The following EPHA6 variants were observed in gnomAD, a reference collection of about 807,000 sequenced individuals.
The protein encoded by EPHA6 is ephrin type-A receptor 6.
A neutral mutation model predicts 112.0 loss-of-function variants in EPHA6; 50 were observed. That is an observed-to-expected ratio of 0.45 (90% CI 0.36 to 0.56). EPHA6 has a LOEUF of 0.56. Ranked by LOEUF, EPHA6 falls within the 20% of genes least tolerant of loss-of-function variation. The pLI is 0.00. For synonymous variants in EPHA6, 529 were observed against 490.7 expected (o/e 1.08, Z -1.03); for missense variants, 1,280 against 1,417.4 (o/e 0.90, Z 1.56).
chr3:96,856,852 A>G (rs1222168103), intron 1 of EPHA6, among the ~76,000 whole-genome samples: 3 of 152,144 alleles, frequency 2.0e-5, no homozygotes, highest in Non-Finnish European at 4.4e-5. Context: ...TGGGGAGACA[A>G]ATCATCAGTG....
intron 6 of EPHA6, among the ~76,000 whole-genome samples, chr3:97,443,566 C>A (rs1043931826): frequency 1.3e-5 from 2 of 151,982 alleles, no homozygotes; most frequent in Non-Finnish European, 2.9e-5. Context: ...ACTGTATATT[C>A]CATGCAAGAC....
At chr3:97,548,139 AC>A (rs1306218464) in intron 11 of EPHA6, among the ~76,000 whole-genome samples, 2 of 151,870 alleles carry the variant, frequency 1.3e-5, no homozygotes, top group African/African-American at 4.8e-5. Flanking sequence ...ATGCAAAATC[AC>A]CCGTCTTCTG....
At chr3:97,160,505 C>A (rs1039311299) in intron 3 of EPHA6, among the ~76,000 whole-genome samples, 1 of 151,980 alleles carries the variant, frequency 6.6e-6, no homozygotes, top group Non-Finnish European at 1.5e-5. Flanking sequence ...GTTTCGAACT[C>A]CTGACCTCAA....
intron 5 of EPHA6, among the ~76,000 whole-genome samples, chr3:97,327,254 A>T (rs777108221): frequency 5.9e-5 from 9 of 152,048 alleles, no homozygotes; most frequent in Non-Finnish European, 1.2e-4. Flanking sequence ...TATTGTTTTC[A>T]TGAGTGCAAT....
intron 10 of EPHA6, among the ~76,000 whole-genome samples, chr3:97,503,973 G>T (rs1368974679): frequency 6.6e-6 from 1 of 152,178 alleles, no homozygotes; most frequent in Non-Finnish European, 1.5e-5. Context: ...ATTCTATGCT[G>T]TGGAGCATTT....
At chr3:97,721,703 T>C (rs1387207329) in intron 15 of EPHA6, among the ~76,000 whole-genome samples, 1 of 152,208 alleles carries the variant, frequency 6.6e-6, no homozygotes, top group East Asian at 1.9e-4. Flanking sequence ...TTTTTGGATC[T>C]GGGCCATTTG....
chr3:97,293,647 G>A (rs2080774729), intron 5 of EPHA6, among the ~76,000 whole-genome samples: 1 of 152,228 alleles, frequency 6.6e-6, no homozygotes, highest in Admixed American at 6.5e-5. Context: ...GAGTGGCCAT[G>A]GGTGGGCCTG....
intron 11 of EPHA6, 129 bp downstream of exon 11, chr3:97,532,672 C>G: frequency 1.3e-6 from 1 of 742,422 alleles, no homozygotes; most frequent in Non-Finnish European, 2.1e-6. Flanking sequence ...TCATCACCCC[C>G]TCAGAGACTT....
chr3:97,528,599 T>C (rs1025766986), intron 10 of EPHA6, among the ~76,000 whole-genome samples: 2 of 151,998 alleles, frequency 1.3e-5, no homozygotes, highest in Non-Finnish European at 2.9e-5. Context: ...CTCTCTAGGG[T>C]TGGATATGGA....
At chr3:96,868,903 C>T (rs887711707) in intron 2 of EPHA6, among the ~76,000 whole-genome samples, 3 of 151,744 alleles carry the variant, frequency 2.0e-5, no homozygotes, top group Non-Finnish European at 2.9e-5. Flanking sequence ...GATATAGTTA[C>T]AGAATTAGGC....
At chr3:97,245,370 A>T (rs528958013) in intron 5 of EPHA6, among the ~76,000 whole-genome samples, 1 of 152,060 alleles carries the variant, frequency 6.6e-6, no homozygotes, top group East Asian at 1.9e-4. Context: ...GTCATATTGA[A>T]TTAGGACCCA....
intron 3 of EPHA6, among the ~76,000 whole-genome samples, chr3:97,148,768 T>C (rs1222359845): frequency 6.6e-6 from 1 of 152,128 alleles, no homozygotes; most frequent in Non-Finnish European, 1.5e-5. Context: ...TTTTTATATT[T>C]AAAAACCCCT....
chr3:97,320,977 A>G (rs977664498), intron 5 of EPHA6, among the ~76,000 whole-genome samples: 1 of 151,988 alleles, frequency 6.6e-6, no homozygotes, highest in African/African-American at 2.4e-5. Context: ...CCTGTCACAA[A>G]CATTATGAAA....
intron 1 of EPHA6, among the ~76,000 whole-genome samples, chr3:96,826,702 C>T (rs1008260148): frequency 6.6e-6 from 1 of 151,352 alleles, no homozygotes; most frequent in Non-Finnish European, 1.5e-5. Context: ...ATATATCTCA[C>T]GTTATTTCCA....
chr3:97,439,441 C>T (rs562254226), intron 6 of EPHA6, among the ~76,000 whole-genome samples: 2 of 152,300 alleles, frequency 1.3e-5, no homozygotes, highest in East Asian at 3.9e-4. Flanking sequence ...TACCCACTAG[C>T]TTAAACCACC....
At chr3:97,123,882 G>C (rs1220353466) in intron 3 of EPHA6, among the ~76,000 whole-genome samples, 2 of 151,912 alleles carry the variant, frequency 1.3e-5, no homozygotes, top group Non-Finnish European at 2.9e-5. Flanking sequence ...ACGTTTAGCT[G>C]CATACATTGT....
intron 5 of EPHA6, among the ~76,000 whole-genome samples, chr3:97,266,194 T>A (rs1369495946): frequency 1.3e-5 from 2 of 152,214 alleles, no homozygotes; most frequent in African/African-American, 4.8e-5. Flanking sequence ...TGAGGCATTG[T>A]TAATCTTAAC....
intron 2 of EPHA6, among the ~76,000 whole-genome samples, chr3:96,978,820 G>C (rs1477095980): frequency 6.6e-6 from 1 of 152,082 alleles, no homozygotes; most frequent in African/African-American, 2.4e-5. Context: ...GTTCTGATTA[G>C]AGAATACATA....
chr3:97,048,896 A>G (rs1324124122), intron 3 of EPHA6, among the ~76,000 whole-genome samples: 2 of 152,188 alleles, frequency 1.3e-5, no homozygotes, highest in Non-Finnish European at 2.9e-5. Context: ...AGATTTGGGG[A>G]GCAGGGGGAT....
Sources: gnomAD v4.1 joint callset for allele counts (sites outside exome capture counted in the v4.1 genomes callset) on GRCh38, gnomAD v4.1.1 for gene constraint, MANE v1.5 for transcripts, NCBI Gene and HGNC (gene_info 2026-07-23, HGNC 2026-07-21) for gene names.